The following GARS1 variants were observed in gnomAD, a reference collection of about 807,000 sequenced individuals.
The protein encoded by GARS1 is glycyl-tRNA synthetase 1.
A neutral mutation model predicts 86.4 loss-of-function variants in GARS1; 46 were observed. That is an observed-to-expected ratio of 0.53 (90% CI 0.42 to 0.68). The LOEUF (loss-of-function observed/expected upper bound fraction) is 0.68. Among genes scored for constraint, GARS1 ranks in the 30% least tolerant of loss-of-function variants. GARS1 has a pLI of 0.00. For synonymous variants in GARS1, 342 were observed against 329.8 expected, an observed-to-expected ratio of 1.04 and a Z score of -0.40; for missense variants, 797 against 915.6, an observed-to-expected ratio of 0.87 and a Z score of 1.67.
intron 3 of GARS1, among the ~76,000 whole-genome samples, chr7:30,600,287 C>T (rs1791346338): frequency 2.0e-5 from 3 of 152,126 alleles, no homozygotes; most frequent in African/African-American, 7.2e-5. Context: ...TTGTTGGAGG[C>T]CCATGTATGT....
At chr7:30,621,318 C>T in intron 10 of GARS1, 75 bp from the exon 11 acceptor site, 1 of 1,126,480 alleles carries the variant, frequency 8.9e-7, no homozygotes, top group Non-Finnish European at 1.4e-6. Context: ...GGTTTATAAT[C>T]TGCATGCATT....
intron 4 of GARS1, among the ~76,000 whole-genome samples, chr7:30,602,463 G>A (rs575020532): frequency 8.4e-4 from 128 of 152,320 alleles, no homozygotes; most frequent in African/African-American, 2.9e-3. Context: ...ATTGGCATCC[G>A]TTAGGTTCTC....
chr7:30,633,980 C>T lies in GARS1; in HGVS notation c.*120C>T. ...ACTCCCAGGGACCGTATTTTATCTTCAGTGGCTGCCTGATTTTACCCCCAC... is the reference window on the plus strand; with the variant it reads ...ACTCCCAGGGACCGTATTTTATCTTTAGTGGCTGCCTGATTTTACCCCCAC... On this transcript the variant is annotated 3_prime_UTR_variant, in exon 17 of 17. Coordinates refer to ENST00000389266, the MANE Select transcript of GARS1 (RefSeq NM_002047.4). The T allele has an allele frequency of 8.3e-7, 1 of 1,209,880 alleles. No individual in the cohort carries two copies. The highest frequency in any genetic ancestry group is 2.5e-5 in the East Asian group (1 of 39,722). 74.9% of individuals were successfully genotyped at this position (1,209,880 alleles called of 1,614,324 possible). A position where few individuals can be genotyped will look rare whatever the true frequency, so the allele number is the denominator to read the frequency against.
upstream of GARS1, chr7:30,594,792 T>C: frequency 1.3e-6 from 1 of 766,428 alleles, no homozygotes; most frequent in Non-Finnish European, 2.1e-6. Flanking sequence ...CGGCGCCGCG[T>C]CACGCGGTGG....
chr7:30,609,816 G>GA, intron 7 of GARS1, 86 bp downstream of exon 7: 21 of 1,333,766 alleles, frequency 1.6e-5, no homozygotes, highest in Non-Finnish European at 2.2e-5. Context: ...TGTTATGAAG[G>GA]AAAAATTTTT....
At chr7:30,603,914 T>G (rs142188528) in intron 6 of GARS1, among the ~76,000 whole-genome samples, 20 of 152,252 alleles carry the variant, frequency 1.3e-4, no homozygotes, top group African/African-American at 4.8e-4. Flanking sequence ...GCAGATAACT[T>G]GATGAGCACT....
rs150327959 is a variant in GARS1 at position 30,610,281 on chromosome 7, T to C, written c.881+551T>C. Among the ~76,000 whole-genome samples, 14 of 152,362 alleles carry C rather than the reference T, an allele frequency of 9.2e-5. No homozygotes were observed. The East Asian group carries it at 2.7e-3, about 29-fold the overall frequency. ...TGGTGTCCTACCATATTGGACAGCA[T>C]AGGTATAGCCTGTTGATTTGAAAGA... On this transcript the variant is annotated intron_variant, in intron 7 of 16. Transcript: ENST00000389266.
At chr7:30,624,734 G>C (rs1783092098) in intron 12 of GARS1, among the ~76,000 whole-genome samples, 3 of 152,074 alleles carry the variant, frequency 2.0e-5, no homozygotes, top group Non-Finnish European at 4.4e-5. Flanking sequence ...GAACAGATGG[G>C]ACAAAGATGA....
chr7:30,616,017 C>G lies in GARS1; in HGVS notation c.1153C>G (p.Gln385Glu), dbSNP rs1408318404. 1 of 1,614,190 alleles carries G rather than the reference C, an allele frequency of 6.2e-7. No homozygotes were observed. Among genetic ancestry groups the G allele is most frequent in the Non-Finnish European group, 8.5e-7 (1 of 1,180,038 alleles). Residue 385 changes from glutamine to glutamate, a missense_variant, in exon 9 of 17, where the codon CAG becomes GAG. Gln to Glu is a conservative substitution (Grantham distance 29, BLOSUM62 2). Coordinates refer to ENST00000389266, the MANE Select transcript of GARS1 (RefSeq NM_002047.4). ...TTCAGCAAAAGCCCAGGTCAGCGGA[C>G]AGTCCGCTCGGAAAATGCGCCTGGG... is the stretch of plus-strand genomic sequence containing the variant. ...LYSAKAQVSG[Q>E]SARKMRLGDA...
At position 30,595,098 on chromosome 7, in the gene GARS1, G is replaced by A; in HGVS notation, c.177G>A (p.Gly59=). The A allele has an allele frequency of 6.5e-7, 1 of 1,542,484 alleles. No individual in the cohort carries two copies. The highest frequency in any genetic ancestry group is 1.2e-5 in the South Asian group (1 of 84,664). The change falls in exon 1 of 17, where the codon GGG becomes GGA. Residue 59 remains glycine (G), a synonymous_variant. Coordinates refer to ENST00000389266, the MANE Select transcript of GARS1 (RefSeq NM_002047.4). ...AASRSSMDGA[G]AEEVLAPLRL... Reference sequence around the variant, plus strand: ...CCCGGAGCAGCATGGACGGCGCGGGGGCTGAGGAGGTGCTGGCACCTCTGA... The same window carrying A: ...CCCGGAGCAGCATGGACGGCGCGGGAGCTGAGGAGGTGCTGGCACCTCTGA...
At position 30,616,037 on chromosome 7, in the gene GARS1, C is replaced by T; in HGVS notation, c.1173C>T (p.Arg391=). The T allele has an allele frequency of 6.2e-7, 1 of 1,614,102 alleles. No homozygotes were observed. Reference sequence around the variant, plus strand: ...GCGGACAGTCCGCTCGGAAAATGCGCCTGGGAGATGCTGTTGAACAGGTAG... The same window carrying T: ...GCGGACAGTCCGCTCGGAAAATGCGTCTGGGAGATGCTGTTGAACAGGTAG... The part of the protein sequence containing the change: ...QVSGQSARKM[R]LGDAVEQGVI... The change falls in exon 9 of 17, where the codon CGC becomes CGT. Residue 391 remains arginine, a synonymous_variant. Coordinates refer to ENST00000389266, the MANE Select transcript of GARS1 (RefSeq NM_002047.4).
At position 30,603,014 on chromosome 7, in the gene GARS1, G is replaced by A. The variant is rs1005590200; in HGVS notation, c.570-20G>A. 1 of 1,547,918 alleles carries A rather than the reference G, an allele frequency of 6.5e-7. No individual in the cohort carries two copies. Among genetic ancestry groups the A allele is most frequent in the Non-Finnish European group, 8.9e-7 (1 of 1,119,684 alleles). ...AATTTGTATGAGAATGACAAATTGG[G>A]TTGGCATTTGTTAATTTAGGACCTC... On this transcript the variant is annotated intron_variant, in intron 4 of 16. Coordinates refer to ENST00000389266, the MANE Select transcript of GARS1 (RefSeq NM_002047.4).
intron 12 of GARS1, among the ~76,000 whole-genome samples, chr7:30,625,241 A>G (rs2128135524): frequency 6.6e-6 from 1 of 152,158 alleles, no homozygotes; most frequent in African/African-American, 2.4e-5. Context: ...ACCTCGCCTG[A>G]CCCAATTGCA....
intron 1 of GARS1, among the ~76,000 whole-genome samples, chr7:30,597,347 G>A (rs1791273512): frequency 6.6e-6 from 1 of 152,180 alleles, no homozygotes; most frequent in Non-Finnish European, 1.5e-5. Context: ...TATAGTTTCT[G>A]AGTTAGAAAT....
intron 14 of GARS1, chr7:30,631,127 C>G: frequency 3.2e-6 from 1 of 311,186 alleles, no homozygotes; most frequent in South Asian, 3.0e-5. Flanking sequence ...TTTCAGAATG[C>G]TTTCACATCA....
At chr7:30,608,864 C>T (rs550679539) in intron 6 of GARS1, among the ~76,000 whole-genome samples, 1 of 152,182 alleles carries the variant, frequency 6.6e-6, no homozygotes, top group East Asian at 1.9e-4. Context: ...TTTCTGAACT[C>T]GAAGCTTCAG....
chr7:30,607,441 AC>A (rs1288983606), intron 6 of GARS1, among the ~76,000 whole-genome samples: 5 of 152,008 alleles, frequency 3.3e-5, no homozygotes, highest in Non-Finnish European at 7.4e-5. Context: ...GCAAACTCTG[AC>A]AAGGACAGAA....
At chr7:30,608,157 T>C (rs753069492) in intron 6 of GARS1, among the ~76,000 whole-genome samples, 13 of 152,254 alleles carry the variant, frequency 8.5e-5, no homozygotes, top group Admixed American at 6.5e-4. Flanking sequence ...CTTGTGCTTA[T>C]ATCTTTTCAT....
At position 30,626,328 on chromosome 7, in the gene GARS1, G is replaced by T. The variant is rs1157245471; in HGVS notation, c.1699+9G>T. The T allele has an allele frequency of 6.7e-7, 1 of 1,499,716 alleles. No individual in the cohort carries two copies. The highest frequency in any genetic ancestry group is 9.3e-7 in the Non-Finnish European group (1 of 1,077,218). 92.9% of individuals were successfully genotyped at this position (1,499,716 alleles called of 1,614,324 possible). On this transcript the variant is annotated intron_variant, in intron 13 of 16. Transcript: ENST00000389266. ...CCAGAAAACACTATATGGTAAATTT[G>T]TAAAAATAATAAACAAAAAGTCACT...
Sources: gnomAD v4.1 joint callset for allele counts (sites outside exome capture counted in the v4.1 genomes callset) on GRCh38, gnomAD v4.1.1 for gene constraint, MANE v1.5 for transcripts, NCBI Gene and HGNC (gene_info 2026-07-23, HGNC 2026-07-21) for gene names.